The following FSTL5 variants were observed in gnomAD, a reference collection of about 807,000 sequenced individuals.
The protein encoded by FSTL5 is follistatin like 5.
Under a neutral mutation model 89.1 loss-of-function variants are expected in FSTL5, and 62 were observed. That is an observed-to-expected ratio of 0.70 (90% confidence interval 0.57 to 0.86). The LOEUF (loss-of-function observed/expected upper bound fraction) is 0.86, where lower values mean the gene tolerates loss of function less well. Ranked by LOEUF, FSTL5 falls within the 40% of genes least tolerant of loss-of-function variation. FSTL5 has a pLI of 0.00. For synonymous variants in FSTL5, 383 were observed against 346.2 expected (o/e 1.11, Z -1.18); for missense variants, 1,057 against 1,001.6 (o/e 1.06, Z -0.75).
At chr4:162,082,751 C>G (rs1653495590) in intron 2 of FSTL5, among the ~76,000 whole-genome samples, 1 of 151,432 alleles carries the variant, frequency 6.6e-6, no homozygotes, top group Non-Finnish European at 1.5e-5. Flanking sequence ...TATACATCTT[C>G]TGATGTCAGG....
At chr4:161,504,652 C>G (rs572471686) in intron 11 of FSTL5, among the ~76,000 whole-genome samples, 17 of 151,784 alleles carry the variant, frequency 1.1e-4, no homozygotes, top group African/African-American at 4.1e-4. Context: ...AAGACATAAG[C>G]AAGAATTACT....
chr4:161,430,871 T>A (rs1426525695), intron 15 of FSTL5, among the ~76,000 whole-genome samples: 1 of 152,152 alleles, frequency 6.6e-6, no homozygotes, highest in East Asian at 1.9e-4. Context: ...GACTTTTCAG[T>A]GGAAACCTTA....
At chr4:162,117,759 C>T (rs1731698603) in intron 1 of FSTL5, among the ~76,000 whole-genome samples, 1 of 152,052 alleles carries the variant, frequency 6.6e-6, no homozygotes, top group African/African-American at 2.4e-5. Context: ...AAAGTTAACT[C>T]AGTAAAGACA....
intron 6 of FSTL5, among the ~76,000 whole-genome samples, chr4:161,690,006 C>A (rs1015289484): frequency 2.6e-5 from 4 of 152,056 alleles, no homozygotes; most frequent in African/African-American, 7.2e-5. Context: ...GGATAATGTT[C>A]CACTCTGCGT....
At chr4:161,865,002 T>C (rs1349856959) in intron 4 of FSTL5, among the ~76,000 whole-genome samples, 1 of 151,104 alleles carries the variant, frequency 6.6e-6, no homozygotes, top group Non-Finnish European at 1.5e-5. Context: ...AAGGAAGAAA[T>C]GTTGTAATAA....
At chr4:161,677,941 C>T (rs1737363277) in intron 6 of FSTL5, among the ~76,000 whole-genome samples, 1 of 151,384 alleles carries the variant, frequency 6.6e-6, no homozygotes, top group African/African-American at 2.4e-5. Context: ...AAATATTATG[C>T]CACACACCAT....
chr4:161,490,214 A>G (rs978386061), intron 12 of FSTL5, among the ~76,000 whole-genome samples: 1 of 152,120 alleles, frequency 6.6e-6, no homozygotes, highest in African/African-American at 2.4e-5. Flanking sequence ...TTTTAAGGAA[A>G]AGCATCATAC....
chr4:161,815,140 G>A (rs1253985081), intron 4 of FSTL5, among the ~76,000 whole-genome samples: 1 of 151,830 alleles, frequency 6.6e-6, no homozygotes, highest in East Asian at 1.9e-4. Flanking sequence ...AGGTTAACAA[G>A]TCCGTATCAT....
chr4:162,020,105 C>A (rs545294410), intron 3 of FSTL5, among the ~76,000 whole-genome samples: 1 of 151,234 alleles, frequency 6.6e-6, no homozygotes, highest in South Asian at 2.1e-4. Flanking sequence ...AAAAAATTTC[C>A]AAAAATATCT....
chr4:161,681,084 A>G (rs555299064), intron 6 of FSTL5, among the ~76,000 whole-genome samples: 1 of 152,106 alleles, frequency 6.6e-6, no homozygotes, highest in African/African-American at 2.4e-5. Context: ...TCAATTAATG[A>G]AGCAGATAAA....
intron 1 of FSTL5, among the ~76,000 whole-genome samples, chr4:162,118,702 C>G (rs779536483): frequency 3.3e-5 from 5 of 152,074 alleles, no homozygotes; most frequent in Admixed American, 6.6e-5. Context: ...ACAACAAAAA[C>G]AAGGAATTAC....
At chr4:161,671,927 G>C (rs958630230) in intron 6 of FSTL5, among the ~76,000 whole-genome samples, 1 of 151,976 alleles carries the variant, frequency 6.6e-6, no homozygotes, top group Non-Finnish European at 1.5e-5. Context: ...AATTCCCAGG[G>C]CACATTCTCA....
intron 3 of FSTL5, among the ~76,000 whole-genome samples, chr4:162,023,391 C>G (rs1474302701): frequency 6.6e-6 from 1 of 152,174 alleles, no homozygotes; most frequent in Non-Finnish European, 1.5e-5. Flanking sequence ...TAGATTGCAC[C>G]GTCTGGTTTT....
chr4:161,947,230 A>C (rs747669749), intron 3 of FSTL5, among the ~76,000 whole-genome samples: 1 of 148,988 alleles, frequency 6.7e-6, no homozygotes, highest in Non-Finnish European at 1.5e-5. Flanking sequence ...CATTTTGATG[A>C]GCAGAAATTT....
At chr4:162,087,729 C>T (rs1363516898) in intron 2 of FSTL5, among the ~76,000 whole-genome samples, 1 of 152,072 alleles carries the variant, frequency 6.6e-6, no homozygotes, top group Non-Finnish European at 1.5e-5. Context: ...ATGGACCTTC[C>T]CACCACAGTG....
intron 13 of FSTL5, among the ~76,000 whole-genome samples, chr4:161,459,964 T>C: frequency 6.6e-6 from 1 of 151,168 alleles, no homozygotes; most frequent in Non-Finnish European, 1.5e-5. Context: ...GTATAATATT[T>C]ATAATATTTA....
At chr4:162,078,424 C>T (rs934971434) in intron 2 of FSTL5, among the ~76,000 whole-genome samples, 1 of 151,620 alleles carries the variant, frequency 6.6e-6, no homozygotes, top group Non-Finnish European at 1.5e-5. Flanking sequence ...AGTTATGTTG[C>T]CATTTGGAAG....
At chr4:161,971,706 T>C (rs931944900) in intron 3 of FSTL5, among the ~76,000 whole-genome samples, 1 of 152,176 alleles carries the variant, frequency 6.6e-6, no homozygotes, top group Non-Finnish European at 1.5e-5. Context: ...GTCTATCAAC[T>C]GACATAATGC....
rs547200160 is a variant in FSTL5, at chr4:162,125,035, G to T, written c.-16-13623C>A. On this transcript the variant is annotated intron_variant, in intron 1 of 15. Transcript: ENST00000306100. The stretch of plus-strand genomic sequence containing the variant: ...CTTTTCTTTAAAAAGCAAGCTGTAA[G>T]TTTGATTCAGCCCACTGATTGTCCT... Among the ~76,000 whole-genome samples, 6 of 152,260 alleles carry T rather than the reference G, an allele frequency of 3.9e-5. No individual in the cohort carries two copies. In the South Asian group the frequency reaches 1.2e-3, roughly 32 times the overall value.
Sources: gnomAD v4.1 joint callset for allele counts (sites outside exome capture counted in the v4.1 genomes callset) on GRCh38, gnomAD v4.1.1 for gene constraint, MANE v1.5 for transcripts, NCBI Gene and HGNC (gene_info 2026-07-23, HGNC 2026-07-21) for gene names.